Variants in CSF2RA observed in about 807,000 individuals in gnomAD.
CSF2RA encodes the protein granulocyte-macrophage colony-stimulating factor receptor subunit alpha.
A neutral mutation model predicts 51.6 loss-of-function variants in CSF2RA; 42 were observed. The ratio of observed to expected loss-of-function variants is 0.81; its 90% CI spans 0.64 to 1.05. The LOEUF is 1.05. CSF2RA is among the 50% of genes least tolerant of loss of function. The pLI, the probability that CSF2RA is intolerant of heterozygous loss-of-function variation, is 0.00. For missense variants in CSF2RA, 530 were observed against 501.1 expected (o/e 1.06, Z -0.55); for synonymous variants, 222 against 193.0 (o/e 1.15, Z -1.24).
chrX:1,288,727 G>C, intron 5 of CSF2RA, 32 bp from the exon 6 acceptor site: 1 of 1,613,952 alleles, frequency 6.2e-7, no homozygotes, highest in Non-Finnish European at 8.5e-7. Context: ...GAACTTCGGA[G>C]TGAAAATTAT....
chrX:1,309,432 G>C lies in CSF2RA; in HGVS notation c.1156G>C (p.Gly386Arg). The C allele has an allele frequency of 6.2e-7, 1 of 1,614,006 alleles. No individual in the cohort carries two copies. Among genetic ancestry groups the C allele is most frequent in the Non-Finnish European group, 8.5e-7 (1 of 1,179,874 alleles). The change falls in exon 13 of 13, where the codon GGG becomes CGG. Residue 386 changes from glycine to arginine, a missense_variant. Gly to Arg is a moderately radical substitution (Grantham distance 125, BLOSUM62 -2). Coordinates refer to ENST00000381529, the MANE Select transcript of CSF2RA (RefSeq NM_172245.4). The stretch of plus-strand genomic sequence containing the variant: ...CTGGGAGGAATTCACCCCAGAGGAA[G>C]GGAAAGGCTACCGCGAAGAGGTCTT... ...IIWEEFTPEE[G>R]KGYREEVLTV...
downstream of CSF2RA, among the ~76,000 whole-genome samples, chrX:1,314,955 C>CTGCCCAATCGCACTGCACT (rs2084496069): frequency 9.1e-6 from 1 of 109,350 alleles, no homozygotes; most frequent in African/African-American, 3.2e-5. Context: ...CCCTCTGTGC[C>CTGCCCAATCGCACTGCACT]TGCCCAACCC....
Position 1,290,554 on chromosome X carries a change from G to T in CSF2RA, c.646+45G>T, listed in dbSNP as rs1185750697. ...TTTTCCTATTGTTTATAGGTGAAAT[G>T]GAATTTGCCTTAAAATCTGTGTAAC... On this transcript the variant is annotated intron_variant, in intron 7 of 12. Transcript: ENST00000381529. 5 of 1,590,778 alleles carry T rather than the reference G, an allele frequency of 3.1e-6. No individual in the cohort carries two copies. In the African/African-American group the frequency reaches 6.7e-5, roughly 21 times the overall value.
Position 1,288,653 on chromosome X carries a change from C to T in CSF2RA, c.343+11C>T. 2 of 1,613,964 alleles carry T rather than the reference C, an allele frequency of 1.2e-6. No individual in the cohort carries two copies. Among genetic ancestry groups the T allele is most frequent in the Middle Eastern group, 1.7e-4 (1 of 6,056 alleles). On this transcript the variant is annotated intron_variant, in intron 5 of 12. Transcript: ENST00000381529. ...TTTATCCAAATTCAGGTAAGCAAGA[C>T]AGCTCAGGGATCCGTTTACAGCACT...
chrX:1,317,201 G>A, the CSF2RA span, among the ~76,000 whole-genome samples: 1 of 142,372 alleles, frequency 7.0e-6, no homozygotes, highest in African/African-American at 2.6e-5. Context: ...GCCTGCCTCG[G>A]CCTCCCAAAG....
intron 12 of CSF2RA, chrX:1,305,976 GGA>G: frequency 1.7e-6 from 1 of 596,104 alleles, no homozygotes. Context: ...CAGTGACTCG[GGA>G]GGCTGGGGCA....
chrX:1,293,049 A>G (rs774126530), intron 7 of CSF2RA, among the ~76,000 whole-genome samples: 9 of 152,226 alleles, frequency 5.9e-5, no homozygotes, highest in South Asian at 4.2e-4. Flanking sequence ...CTGCAAACCT[A>G]TTGTTAACAA....
At chrX:1,276,372 T>TTATTTATA (rs2089197918) in intron 2 of CSF2RA, among the ~76,000 whole-genome samples, 1 of 151,466 alleles carries the variant, frequency 6.6e-6, no homozygotes, top group Non-Finnish European at 1.5e-5. Flanking sequence ...ATTTATTTAT[T>TTATTTATA]TATTTATTTT....
chrX:1,288,923 A>C (rs771583801), intron 6 of CSF2RA, 35 bp downstream of exon 6: 33 of 1,612,540 alleles, frequency 2.0e-5, no homozygotes, highest in Admixed American at 1.0e-4. Flanking sequence ...ATTATGAGGA[A>C]TGCAGGGATG....
At chrX:1,291,016 G>C (rs1280883752) in intron 7 of CSF2RA, among the ~76,000 whole-genome samples, 1 of 152,058 alleles carries the variant, frequency 6.6e-6, no homozygotes, top group East Asian at 1.9e-4. Flanking sequence ...CTGCCTCCCA[G>C]GTTCAAGCGA....
At chrX:1,282,921 C>T in intron 3 of CSF2RA, 142 bp downstream of exon 3, 1 of 794,692 alleles carries the variant, frequency 1.3e-6, no homozygotes, top group South Asian at 1.3e-5. Context: ...GCCAACCCAC[C>T]AGAAGCTCAG....
At chrX:1,321,992 C>T in the CSF2RA span, among the ~76,000 whole-genome samples, 14 of 151,918 alleles carry the variant, frequency 9.2e-5, no homozygotes, top group Non-Finnish European at 1.8e-4. Context: ...AAAATTACCC[C>T]GGCATGGTGG....
the CSF2RA span, among the ~76,000 whole-genome samples, chrX:1,320,369 G>C: frequency 2.0e-5 from 3 of 152,020 alleles, no homozygotes; most frequent in African/African-American, 7.2e-5. Context: ...CCCAGAGAGA[G>C]AATTTACAAC....
intron 3 of CSF2RA, 147 bp downstream of exon 3, chrX:1,282,926 G>C (rs2090208388): frequency 1.3e-6 from 1 of 786,742 alleles, no homozygotes; most frequent in African/African-American, 1.7e-5. Flanking sequence ...CCCACCAGAA[G>C]CTCAGAGCTC....
intron 4 of CSF2RA, among the ~76,000 whole-genome samples, chrX:1,288,206 G>T (rs140832878): frequency 6.6e-6 from 1 of 151,832 alleles, no homozygotes; most frequent in African/African-American, 2.4e-5. Context: ...CCATGGCCGG[G>T]CATGGTGGCT....
intron 10 of CSF2RA, 49 bp downstream of exon 10, chrX:1,300,675 C>T (rs1456464756): frequency 7.4e-6 from 12 of 1,613,324 alleles, no homozygotes; most frequent in East Asian, 2.2e-5. Flanking sequence ...TGCGGCCACC[C>T]TGCAGCAGGC....
chrX:1,283,904 A>G (rs1466782188), intron 3 of CSF2RA, among the ~76,000 whole-genome samples: 7 of 151,934 alleles, frequency 4.6e-5, no homozygotes, highest in Non-Finnish European at 1.0e-4. Flanking sequence ...AGCCATTGTG[A>G]CTGGCGTGGA....
chrX:1,283,178 CCT>C (rs2090254347), intron 3 of CSF2RA, among the ~76,000 whole-genome samples: 1 of 119,880 alleles, frequency 8.3e-6, no homozygotes, highest in African/African-American at 2.8e-5. Flanking sequence ...TTCCTTCCTT[CCT>C]TCCTTCCTTC....
intron 4 of CSF2RA, among the ~76,000 whole-genome samples, chrX:1,286,317 C>A (rs1285539278): frequency 1.3e-5 from 2 of 151,190 alleles, no homozygotes; most frequent in African/African-American, 4.9e-5. Context: ...GCTTGTCATC[C>A]CAGCACTCTG....
Sources: allele counts gnomAD v4.1 joint callset (sites outside exome capture counted in the v4.1 genomes callset), GRCh38; gene constraint gnomAD v4.1.1; transcripts MANE v1.5; gene names NCBI Gene and HGNC (gene_info 2026-07-23, HGNC 2026-07-21).